Variants in TTC6 observed in about 807,000 individuals in gnomAD.
TTC6 encodes the protein tetratricopeptide repeat protein 6.
TTC6 carries 172 observed loss-of-function variants against 210.4 expected under a neutral mutation model. The observed-to-expected ratio is 0.82, with a 90% CI of 0.72 to 0.93. The LOEUF (loss-of-function observed/expected upper bound fraction) is 0.93. TTC6 is among the 40% of genes least tolerant of loss of function. The pLI is 0.00. For synonymous variants in TTC6, 804 were observed against 819.6 expected, an observed-to-expected ratio of 0.98 and a Z score of 0.32; for missense variants, 2,414 against 2,318.1, an observed-to-expected ratio of 1.04 and a Z score of -0.85.
intron 1 of TTC6, among the ~76,000 whole-genome samples, chr14:37,626,861 C>T (rs1264339301): frequency 6.6e-6 from 1 of 152,144 alleles, no homozygotes; most frequent in East Asian, 1.9e-4. Context: ...TGCGGAAAAA[C>T]CTATGGCGCC....
chr14:37,703,667 G>T (rs1464588470), intron 5 of TTC6, among the ~76,000 whole-genome samples: 1 of 151,876 alleles, frequency 6.6e-6, no homozygotes, highest in Non-Finnish European at 1.5e-5. Context: ...CATTATTTAT[G>T]GCAAACACCA....
At chr14:37,669,015 G>T (rs2095753510) in intron 1 of TTC6, among the ~76,000 whole-genome samples, 1 of 152,196 alleles carries the variant, frequency 6.6e-6, no homozygotes, top group African/African-American at 2.4e-5. Flanking sequence ...TGTTTCTGAT[G>T]CTTCCAACTG....
At chr14:37,826,440 G>T (rs2096171793) in intron 28 of TTC6, 93 bp downstream of exon 30, 2 of 1,158,608 alleles carry the variant, frequency 1.7e-6, no homozygotes, top group Non-Finnish European at 2.3e-6. Flanking sequence ...GCTTTTTAAA[G>T]TGACTTATGG....
intron 5 of TTC6, among the ~76,000 whole-genome samples, chr14:37,713,124 A>C (rs2095847178): frequency 6.6e-6 from 1 of 152,154 alleles, no homozygotes; most frequent in African/African-American, 2.4e-5. Flanking sequence ...CTGGAGCCAC[A>C]CTGTGTCTGT....
At chr14:37,749,792 G>A in exon 12 of TTC6, 1 of 1,463,628 alleles carries the variant, frequency 6.8e-7, no homozygotes, top group Non-Finnish European at 9.0e-7. Context: ...CAAAATTAAT[G>A]AAGCTTTGGA....
chr14:37,826,379 G>A, intron 28 of TTC6, 32 bp downstream of exon 30: 1 of 1,545,840 alleles, frequency 6.5e-7, no homozygotes, highest in Non-Finnish European at 8.7e-7. Context: ...ATTATTATTA[G>A]CATAAATTAA....
At chr14:37,753,794 G>A (rs1020229194) in intron 14 of TTC6, among the ~76,000 whole-genome samples, 23 of 145,224 alleles carry the variant, frequency 1.6e-4, no homozygotes, top group African/African-American at 5.6e-4. Flanking sequence ...TGCCTAGGTT[G>A]TTTTTGAACT....
At chr14:37,784,059 T>A (rs1351340273) in intron 14 of TTC6, among the ~76,000 whole-genome samples, 1 of 152,180 alleles carries the variant, frequency 6.6e-6, no homozygotes, top group East Asian at 1.9e-4. Flanking sequence ...AACTGTGTGG[T>A]CAATTTTGGA....
intron 25 of TTC6, among the ~76,000 whole-genome samples, chr14:37,816,497 A>C (rs2096142219): frequency 6.6e-6 from 1 of 151,982 alleles, no homozygotes; most frequent in Non-Finnish European, 1.5e-5. Context: ...TCCTTTTGCC[A>C]CTCCACAGAA....
intron 7 of TTC6, among the ~76,000 whole-genome samples, chr14:37,730,451 T>C (rs1486475518): frequency 6.6e-6 from 1 of 152,174 alleles, no homozygotes; most frequent in African/African-American, 2.4e-5. Context: ...TACTCCCATC[T>C]GCCATCTGCC....
chr14:37,719,572 T>C (rs1465602800), intron 6 of TTC6, among the ~76,000 whole-genome samples: 1 of 152,158 alleles, frequency 6.6e-6, no homozygotes, highest in Non-Finnish European at 1.5e-5. Flanking sequence ...ACTGATTTTT[T>C]ATAAAAATGC....
At chr14:37,732,221 C>T (rs1251509410) in intron 7 of TTC6, among the ~76,000 whole-genome samples, 6 of 140,682 alleles carry the variant, frequency 4.3e-5, no homozygotes, top group Middle Eastern at 3.8e-3. Flanking sequence ...CTCACTCTGT[C>T]ACCCAGGCTG....
intron 3 of TTC6, among the ~76,000 whole-genome samples, chr14:37,684,121 C>CT (rs1379061823): frequency 6.6e-6 from 1 of 152,278 alleles, no homozygotes. Context: ...TTCCTCTTCA[C>CT]TTGCTGTTTA....
chr14:37,676,272 G>A (rs2095769211), intron 1 of TTC6, among the ~76,000 whole-genome samples: 1 of 152,050 alleles, frequency 6.6e-6, no homozygotes, highest in Non-Finnish European at 1.5e-5. Context: ...GGAAGGGAGT[G>A]AAATTCTTAA....
At chr14:37,837,479 A>G in intron 29 of TTC6, 1 of 447,454 alleles carries the variant, frequency 2.2e-6, no homozygotes, top group South Asian at 1.6e-5. Context: ...GATGAGATGG[A>G]TTTTACATCT....
At chr14:37,670,117 T>C (rs949933797) in intron 1 of TTC6, among the ~76,000 whole-genome samples, 5 of 152,200 alleles carry the variant, frequency 3.3e-5, no homozygotes, top group Non-Finnish European at 7.4e-5. Flanking sequence ...ATAGGTTAGA[T>C]GTTATTAAAT....
At chr14:37,827,550 G>C (rs1224762842) in intron 29 of TTC6, among the ~76,000 whole-genome samples, 184 bp downstream of exon 31, 2 of 151,678 alleles carry the variant, frequency 1.3e-5, no homozygotes, top group African/African-American at 4.8e-5. Flanking sequence ...ATGCCTCTAT[G>C]GATTTATTCT....
At chr14:37,680,084 T>C in intron 1 of TTC6, 67 bp from the exon 4 acceptor site, 1 of 852,406 alleles carries the variant, frequency 1.2e-6, no homozygotes, top group Admixed American at 2.6e-5. Context: ...AGCATTTTAG[T>C]ATAATGAATA....
chr14:37,612,672 T>C, intron 2 of TTC6, among the ~76,000 whole-genome samples: 1 of 152,104 alleles, frequency 6.6e-6, no homozygotes, highest in Non-Finnish European at 1.5e-5. Context: ...GCAAATAAGA[T>C]TTTGTAATTT....
Sources: allele counts gnomAD v4.1 joint callset (sites outside exome capture counted in the v4.1 genomes callset), GRCh38; gene constraint gnomAD v4.1.1; transcripts MANE v1.5; gene names NCBI Gene and HGNC (gene_info 2026-07-23, HGNC 2026-07-21).